DPP10: variants seen among roughly 807,000 people sequenced by gnomAD.
DPP10 encodes dipeptidyl peptidase like 10, also known as inactive dipeptidyl peptidase 10.
Under a neutral mutation model 120.9 loss-of-function variants are expected in DPP10, and 33 were observed. The ratio of observed to expected loss-of-function variants is 0.27; its 90% confidence interval spans 0.21 to 0.37. The LOEUF is 0.37. Among genes scored for constraint, DPP10 ranks in the 10% least tolerant of loss-of-function variants. The probability of loss-of-function intolerance (pLI) is 1.00; values close to 1 mark genes in which losing one functional copy is unlikely to be tolerated. For missense variants in DPP10, 816 were observed against 942.8 expected (o/e 0.87, Z 1.76); for synonymous variants, 337 against 326.1 (o/e 1.03, Z -0.36).
chr2:114,731,595 G>A (rs1187835953), intron 1 of DPP10, among the ~76,000 whole-genome samples: 1 of 152,234 alleles, frequency 6.6e-6, no homozygotes, highest in Non-Finnish European at 1.5e-5. Context: ...AGATGCTTAA[G>A]GTCTTGTGTG....
intron 1 of DPP10, among the ~76,000 whole-genome samples, chr2:114,470,081 C>A (rs10205699): frequency 0.058 from 8,765 of 152,240 alleles, 800 homozygotes; most frequent in African/African-American, 0.2. Flanking sequence ...CCACCACGGA[C>A]CCTCTTGTCA....
chr2:115,181,789 A>G (rs2054095571), intron 1 of DPP10, among the ~76,000 whole-genome samples: 5 of 152,230 alleles, frequency 3.3e-5, no homozygotes, highest in South Asian at 2.1e-4. Context: ...ACCACAGACT[A>G]TCATTGGCTA....
At chr2:115,442,389 G>C (rs1620614) in intron 3 of DPP10, among the ~76,000 whole-genome samples, 1 of 151,398 alleles carries the variant, frequency 6.6e-6, no homozygotes, top group Non-Finnish European at 1.5e-5. Flanking sequence ...GTGTGTGTGC[G>C]TGTGTCGTTT....
intron 7 of DPP10, among the ~76,000 whole-genome samples, chr2:115,709,921 T>C (rs1439609938): frequency 1.3e-5 from 2 of 152,020 alleles, no homozygotes; most frequent in African/African-American, 4.8e-5. Flanking sequence ...AATTTACATA[T>C]TCAAGGTGCT....
At chr2:114,839,005 T>A (rs1301787715) in intron 1 of DPP10, among the ~76,000 whole-genome samples, 1 of 152,212 alleles carries the variant, frequency 6.6e-6, no homozygotes, top group African/African-American at 2.4e-5. Context: ...CTCTGTTTTT[T>A]AATATTATGA....
At chr2:114,894,487 G>C (rs1449520126) in intron 1 of DPP10, among the ~76,000 whole-genome samples, 1 of 151,976 alleles carries the variant, frequency 6.6e-6, no homozygotes, top group Admixed American at 6.6e-5. Flanking sequence ...TTAAGAATTC[G>C]CTAAACCTCA....
chr2:114,522,141 G>A (rs1309635760), intron 1 of DPP10, among the ~76,000 whole-genome samples: 11 of 150,572 alleles, frequency 7.3e-5, no homozygotes, highest in South Asian at 6.3e-4. Context: ...CACTACACCC[G>A]GCTAATTTTT....
intron 2 of DPP10, among the ~76,000 whole-genome samples, chr2:115,322,408 G>T (rs1352883551): frequency 6.6e-6 from 1 of 152,152 alleles, no homozygotes; most frequent in Non-Finnish European, 1.5e-5. Flanking sequence ...TGTGGCTATG[G>T]TGGGGTGTGG....
intron 1 of DPP10, among the ~76,000 whole-genome samples, chr2:114,907,923 A>G (rs556673363): frequency 2.4e-4 from 36 of 152,090 alleles, no homozygotes; most frequent in Non-Finnish European, 4.9e-4. Context: ...TCCAACTACT[A>G]TTGTTGAAGT....
intron 5 of DPP10, among the ~76,000 whole-genome samples, chr2:115,612,227 G>A (rs1454215165): frequency 5.3e-5 from 8 of 152,030 alleles, no homozygotes; most frequent in Admixed American, 4.6e-4. Context: ...AACATCTTGA[G>A]GAAGCATGAA....
In DPP10 at chr2:115,791,274, C is replaced by G; in HGVS notation, c.1631-13C>G. ...GACTCTCCATCTTTAATATTTTGCT[C>G]TTTCTTTAAAAGAACTTCCTTTACA... is the stretch of plus-strand genomic sequence containing the variant. On this transcript the variant is annotated splice_polypyrimidine_tract_variant and intron_variant, in intron 18 of 25. Transcript: ENST00000410059. The G allele has an allele frequency of 6.2e-7, 1 of 1,608,866 alleles. No homozygotes were observed. The highest frequency in any genetic ancestry group is 8.5e-7 in the Non-Finnish European group (1 of 1,178,352).
At chr2:115,439,742 A>G (rs559112740) in intron 3 of DPP10, among the ~76,000 whole-genome samples, 1 of 152,178 alleles carries the variant, frequency 6.6e-6, no homozygotes, top group Non-Finnish European at 1.5e-5. Flanking sequence ...ATTACCACAC[A>G]TGTATTTATT....
intron 1 of DPP10, among the ~76,000 whole-genome samples, chr2:114,678,010 A>C (rs1314444466): frequency 6.6e-6 from 1 of 152,148 alleles, no homozygotes; most frequent in Non-Finnish European, 1.5e-5. Context: ...TAACATTTGT[A>C]ATATACTATA....
At chr2:115,400,356 C>G (rs947001858) in intron 3 of DPP10, among the ~76,000 whole-genome samples, 1 of 151,950 alleles carries the variant, frequency 6.6e-6, no homozygotes, top group Non-Finnish European at 1.5e-5. Context: ...GTAAATTGCC[C>G]TGTTTAAAAA....
At chr2:115,751,800 G>GTT (rs1286583795) in intron 10 of DPP10, among the ~76,000 whole-genome samples, 1 of 94,396 alleles carries the variant, frequency 1.1e-5, no homozygotes, top group African/African-American at 3.1e-5. Flanking sequence ...TTTTTTTTTT[G>GTT]TTGTTTTTTT....
At chr2:115,116,484 A>G (rs1440427547) in intron 1 of DPP10, among the ~76,000 whole-genome samples, 1 of 152,182 alleles carries the variant, frequency 6.6e-6, no homozygotes, top group Non-Finnish European at 1.5e-5. Flanking sequence ...TAGGTCTGCC[A>G]TGATCCTAAT....
intron 1 of DPP10, among the ~76,000 whole-genome samples, chr2:115,090,158 T>C (rs1709123472): frequency 6.6e-6 from 1 of 152,246 alleles, no homozygotes; most frequent in African/African-American, 2.4e-5. Context: ...CTTATCTATT[T>C]TGACAAATGT....
chr2:115,469,749 G>C (rs953471613), intron 3 of DPP10, among the ~76,000 whole-genome samples: 1 of 151,680 alleles, frequency 6.6e-6, no homozygotes, highest in Non-Finnish European at 1.5e-5. Flanking sequence ...AAATACAAAA[G>C]TAGCCAGGCG....
intron 1 of DPP10, among the ~76,000 whole-genome samples, chr2:114,681,032 T>C (rs1698992597): frequency 6.6e-6 from 1 of 151,974 alleles, no homozygotes; most frequent in South Asian, 2.1e-4. Context: ...TAATAATTAG[T>C]TTTTAATTAA....
Sources: gnomAD v4.1 joint callset for allele counts (sites outside exome capture counted in the v4.1 genomes callset) on GRCh38, gnomAD v4.1.1 for gene constraint, MANE v1.5 for transcripts, NCBI Gene and HGNC (gene_info 2026-07-23, HGNC 2026-07-21) for gene names.